The following NR3C2 variants were observed in gnomAD, a reference collection of about 807,000 sequenced individuals.
NR3C2 encodes the protein nuclear receptor subfamily 3 group C member 2.
In NR3C2, 15 loss-of-function variants were observed where a neutral mutation model predicts 86.4. The ratio of observed to expected loss-of-function variants is 0.17; its 90% CI spans 0.12 to 0.27. The LOEUF is 0.27. NR3C2 is among the 10% of genes least tolerant of loss of function. NR3C2 has a pLI of 1.00. For synonymous variants in NR3C2, 458 were observed against 450.5 expected (o/e 1.02, Z -0.21); for missense variants, 960 against 1,195.6 (o/e 0.80, Z 2.91).
chr4:148,264,317 T>G (rs72655247), intron 2 of NR3C2, among the ~76,000 whole-genome samples: 160 of 152,334 alleles, frequency 1.1e-3, no homozygotes, highest in African/African-American at 2.9e-3. Flanking sequence ...GTTGGAAAAT[T>G]GTTTGCATCC....
rs72648709 is a variant in NR3C2 at position 148,080,860 on chromosome 4, T to C, written c.*484A>G. 31 of 326,030 alleles carry C rather than the reference T, an allele frequency of 9.5e-5. No homozygotes were observed. The highest frequency in any genetic ancestry group is 6.5e-4 in the African/African-American group (27 of 41,226). 20.2% of individuals were successfully genotyped at this position (326,030 alleles called of 1,614,324 possible). ...TCTGTTATTACACAACAGGAATCTGTATATATTTTTTTATTATTTTTTTGT... is the reference window on the plus strand; with the variant it reads ...TCTGTTATTACACAACAGGAATCTGCATATATTTTTTTATTATTTTTTTGT... On this transcript the variant is annotated 3_prime_UTR_variant, in exon 9 of 9. Transcript: ENST00000358102.
intron 4 of NR3C2, among the ~76,000 whole-genome samples, chr4:148,157,794 G>A (rs1734471799): frequency 6.6e-6 from 1 of 152,118 alleles, no homozygotes; most frequent in African/African-American, 2.4e-5. Context: ...CGTAGAGTAG[G>A]ACTATGTTAC....
intron 3 of NR3C2, among the ~76,000 whole-genome samples, chr4:148,217,390 C>G (rs1205917398): frequency 6.6e-6 from 1 of 152,180 alleles, no homozygotes; most frequent in Non-Finnish European, 1.5e-5. Context: ...CCACAGATCC[C>G]CACCTGGTAC....
At chr4:148,166,126 A>G (rs1183599353) in intron 4 of NR3C2, among the ~76,000 whole-genome samples, 1 of 152,202 alleles carries the variant, frequency 6.6e-6, no homozygotes, top group Non-Finnish European at 1.5e-5. Flanking sequence ...AAAAAAAGTT[A>G]TTTTTCTAGG....
chr4:148,407,910 T>C (rs566885150), intron 2 of NR3C2, among the ~76,000 whole-genome samples: 2 of 152,144 alleles, frequency 1.3e-5, no homozygotes, highest in Admixed American at 1.3e-4. Flanking sequence ...CAAGTTAACG[T>C]AAAGAAAGTC....
chr4:148,431,692 C>T (rs1471509601), intron 2 of NR3C2, among the ~76,000 whole-genome samples: 1 of 152,188 alleles, frequency 6.6e-6, no homozygotes, highest in Non-Finnish European at 1.5e-5. Context: ...CACCTCACAG[C>T]CATTACTCAT....
intron 3 of NR3C2, among the ~76,000 whole-genome samples, chr4:148,218,216 G>C (rs1246775763): frequency 6.6e-6 from 1 of 152,170 alleles, no homozygotes; most frequent in Non-Finnish European, 1.5e-5. Context: ...GATAGCTGTT[G>C]CATTAATGAG....
chr4:148,232,160 A>G (rs541589139), intron 3 of NR3C2, among the ~76,000 whole-genome samples: 5 of 152,336 alleles, frequency 3.3e-5, no homozygotes, highest in Admixed American at 2.0e-4. Flanking sequence ...ATTGTATCAT[A>G]TTATAGAATG....
chr4:148,392,910 T>A (rs1747664323), intron 2 of NR3C2, among the ~76,000 whole-genome samples: 1 of 152,188 alleles, frequency 6.6e-6, no homozygotes, highest in African/African-American at 2.4e-5. Flanking sequence ...CTGCTAATGT[T>A]CACAGTTCTC....
chr4:148,429,443 T>G (rs1055379154), intron 2 of NR3C2, among the ~76,000 whole-genome samples: 36 of 152,236 alleles, frequency 2.4e-4, no homozygotes, highest in African/African-American at 7.7e-4. Context: ...TACTTTTTTT[T>G]GTCCTGTTTC....
At chr4:148,366,066 T>C (rs1196084499) in intron 2 of NR3C2, among the ~76,000 whole-genome samples, 1 of 152,182 alleles carries the variant, frequency 6.6e-6, no homozygotes, top group Non-Finnish European at 1.5e-5. Flanking sequence ...TCCTAACTTC[T>C]GCCAATCTTA....
At chr4:148,255,672 T>C (rs59684436) in intron 3 of NR3C2, among the ~76,000 whole-genome samples, 6,691 of 152,306 alleles carry the variant, frequency 0.044, 471 homozygotes, top group African/African-American at 0.15. Context: ...TTCCAGACAC[T>C]GCATACATAC....
intron 2 of NR3C2, among the ~76,000 whole-genome samples, chr4:148,319,203 T>C (rs891259415): frequency 2.0e-5 from 3 of 152,088 alleles, no homozygotes; most frequent in African/African-American, 7.3e-5. Context: ...GTGGCATTAT[T>C]TCTGAGGGCT....
At chr4:148,198,008 G>C (rs1736522259) in intron 3 of NR3C2, among the ~76,000 whole-genome samples, 1 of 151,968 alleles carries the variant, frequency 6.6e-6, no homozygotes, top group Non-Finnish European at 1.5e-5. Flanking sequence ...CATTCTAGAA[G>C]ACAGAAAGCT....
chr4:148,177,092 CCTCT>C (rs1372345601), intron 4 of NR3C2, among the ~76,000 whole-genome samples: 3 of 152,242 alleles, frequency 2.0e-5, no homozygotes, highest in African/African-American at 7.2e-5. Context: ...CTTTTAAGAA[CCTCT>C]CTGTCAAACT....
rs1448385729 is a variant in NR3C2, at chr4:148,079,165, T to A, written c.*2179A>T. ...ACTAAGTCTGAACTAAAAGCTGCTT[T>A]TGTAAGTAAGCCATTTGTTTGCTAG... On this transcript the variant is annotated 3_prime_UTR_variant, in exon 9 of 9. Transcript: ENST00000358102. The A allele has an allele frequency of 6.6e-6, 1 of 152,188 alleles. No individual in the cohort carries two copies. The highest frequency in any genetic ancestry group is 1.5e-5 in the Non-Finnish European group (1 of 68,040). 9.4% of individuals were successfully genotyped at this position (152,188 alleles called of 1,614,324 possible).
intron 4 of NR3C2, 66 bp from the exon 5 acceptor site, chr4:148,154,967 G>A: frequency 7.8e-7 from 1 of 1,285,270 alleles, no homozygotes; most frequent in Non-Finnish European, 1.1e-6. Flanking sequence ...ACTCACACTG[G>A]TTAAAGTACA....
rs1309234504 is a variant in NR3C2, at chr4:148,079,590, G to GCAAT, written c.*1750_*1753dup. 2 of 152,530 alleles carry GCAAT rather than the reference G, an allele frequency of 1.3e-5. No homozygotes were observed. Among genetic ancestry groups the GCAAT allele is most frequent in the African/African-American group, 4.8e-5 (2 of 41,416 alleles). The allele number at this position is 152,530 out of a possible 1,614,324, so 9.4% of individuals were successfully genotyped here. A position where few individuals can be genotyped will look rare whatever the true frequency, so the allele number is the denominator to read the frequency against. On this transcript the variant is annotated 3_prime_UTR_variant, in exon 9 of 9. Transcript: ENST00000358102. ...CTCTATTCAAAGTAGTTTATTTAGT[G>GCAAT]CAATCATATTGTTAGTTTCCCCAAA...
intron 3 of NR3C2, among the ~76,000 whole-genome samples, chr4:148,228,966 G>C (rs776956847): frequency 6.6e-6 from 1 of 152,204 alleles, no homozygotes; most frequent in South Asian, 2.1e-4. Context: ...GAGAGGCATA[G>C]AAGGGATGAA....
Sources: allele counts gnomAD v4.1 joint callset (sites outside exome capture counted in the v4.1 genomes callset), GRCh38; gene constraint gnomAD v4.1.1; transcripts MANE v1.5; gene names NCBI Gene and HGNC (gene_info 2026-07-23, HGNC 2026-07-21).